The following MIGA1 variants were observed in gnomAD, a reference collection of about 807,000 sequenced individuals.
MIGA1 encodes the protein mitoguardin 1, also known as family with sequence similarity 73, member A.
MIGA1 carries 58 observed loss-of-function variants against 82.0 expected under a neutral mutation model. The observed-to-expected ratio is 0.71, with a 90% CI of 0.57 to 0.88. MIGA1 has a LOEUF of 0.88. MIGA1 is among the 40% of genes least tolerant of loss of function. The pLI, the probability that MIGA1 is intolerant of heterozygous loss-of-function variation, is 0.00. For synonymous variants in MIGA1, 249 were observed against 253.6 expected (o/e 0.98, Z 0.17); for missense variants, 751 against 749.1 (o/e 1.00, Z -0.03).
At chr1:77,867,470 G>A (rs998924220) in intron 14 of MIGA1, among the ~76,000 whole-genome samples, 10 of 152,164 alleles carry the variant, frequency 6.6e-5, no homozygotes, top group Non-Finnish European at 1.3e-4. Context: ...TAGGACTACA[G>A]GTGCACACCA....
chr1:77,869,565 C>CA (rs1297798313), intron 14 of MIGA1, among the ~76,000 whole-genome samples: 14 of 137,192 alleles, frequency 1.0e-4, no homozygotes, highest in Non-Finnish European at 1.9e-4. Flanking sequence ...GCTGGCCGGG[C>CA]GGGGGGCTGA....
At chr1:77,861,472 A>T in intron 12 of MIGA1, 150 bp downstream of exon 12, 3 of 568,198 alleles carry the variant, frequency 5.3e-6, no homozygotes, top group Non-Finnish European at 9.2e-6. Context: ...CATAAACCAC[A>T]CTCCTTGTAC....
intron 7 of MIGA1, among the ~76,000 whole-genome samples, chr1:77,842,970 A>G (rs1288115537): frequency 1.3e-5 from 2 of 152,262 alleles, no homozygotes; most frequent in East Asian, 3.8e-4. Flanking sequence ...ACCACTTGCA[A>G]ATAAATTGCT....
At position 77,789,617 on chromosome 1, in the gene MIGA1, T is replaced by C. The variant is rs541131004; in HGVS notation, c.195+6266T>C. ...TTTTTTAAAAATCGTTTTGATCTTA[T>C]GGATTTAATTGTATTTGATGTTTTA... is the stretch of plus-strand genomic sequence containing the variant. On this transcript the variant is annotated intron_variant, in intron 2 of 15. Transcript: ENST00000370791. Among the ~76,000 whole-genome samples the C allele has an allele frequency of 2.5e-3, 382 of 152,338 alleles. 3 individuals are homozygous for C. The highest frequency in any genetic ancestry group is 3.2e-3 in the Non-Finnish European group (220 of 68,036).
intron 5 of MIGA1, among the ~76,000 whole-genome samples, chr1:77,809,596 A>T (rs1032725259): frequency 6.6e-6 from 1 of 152,150 alleles, no homozygotes. Context: ...AAAAACTAAA[A>T]AAAATAAAAT....
chr1:77,850,820 T>C (rs1345385347), intron 8 of MIGA1, among the ~76,000 whole-genome samples: 1 of 152,088 alleles, frequency 6.6e-6, no homozygotes, highest in Non-Finnish European at 1.5e-5. Context: ...CTGTTTTTAT[T>C]GTTGCTGTTG....
chr1:77,816,080 A>T (rs568364073), intron 7 of MIGA1, among the ~76,000 whole-genome samples: 1 of 152,252 alleles, frequency 6.6e-6, no homozygotes, highest in Admixed American at 6.5e-5. Flanking sequence ...AGTAGCTGGG[A>T]TTACAGGCAT....
intron 5 of MIGA1, chr1:77,810,867 C>G (rs1213178935): frequency 6.2e-7 from 1 of 1,610,848 alleles, no homozygotes; most frequent in East Asian, 2.2e-5. Context: ...AGGATCATTC[C>G]TTGTGCAAAG....
intron 2 of MIGA1, among the ~76,000 whole-genome samples, chr1:77,792,786 CTTTTTTTT>C (rs888755051): frequency 2.5e-5 from 3 of 121,616 alleles, no homozygotes; most frequent in Non-Finnish European, 5.2e-5. Context: ...GGATTGTTTG[CTTTTTTTT>C]TTTTTTTTTT....
chr1:77,791,808 C>A (rs1270574300), intron 2 of MIGA1, among the ~76,000 whole-genome samples: 1 of 151,946 alleles, frequency 6.6e-6, no homozygotes, highest in Non-Finnish European at 1.5e-5. Context: ...AAGTGATCTA[C>A]CTGCCTCAGC....
chr1:77,847,396 A>T, intron 8 of MIGA1: 1 of 1,244,566 alleles, frequency 8.0e-7, no homozygotes, highest in Non-Finnish European at 1.2e-6. Context: ...CTTTTGGGGA[A>T]AGACTGAAAG....
intron 7 of MIGA1, among the ~76,000 whole-genome samples, chr1:77,839,036 A>G (rs1254923546): frequency 1.3e-5 from 2 of 152,272 alleles, no homozygotes; most frequent in East Asian, 3.9e-4. Flanking sequence ...CAGTATTATT[A>G]TGAACACTCT....
At chr1:77,831,111 T>C (rs911715924) in intron 7 of MIGA1, among the ~76,000 whole-genome samples, 9 of 152,360 alleles carry the variant, frequency 5.9e-5, no homozygotes, top group Middle Eastern at 3.4e-3. Flanking sequence ...ACAATTGATG[T>C]GCCCTCAGCC....
At chr1:77,861,450 T>G (rs1169305384) in intron 12 of MIGA1, 128 bp downstream of exon 12, 12 of 645,214 alleles carry the variant, frequency 1.9e-5, no homozygotes, top group Non-Finnish European at 2.9e-5. Flanking sequence ...ACATCTTTTT[T>G]TCTGACGAAG....
At chr1:77,862,601 T>G (rs1685502152) in intron 12 of MIGA1, among the ~76,000 whole-genome samples, 1 of 151,314 alleles carries the variant, frequency 6.6e-6, no homozygotes, top group Non-Finnish European at 1.5e-5. Flanking sequence ...AATACAAAAA[T>G]TAGCCAGGCA....
intron 14 of MIGA1, among the ~76,000 whole-genome samples, chr1:77,867,232 A>C (rs1685704193): frequency 6.6e-6 from 1 of 152,174 alleles, no homozygotes; most frequent in Non-Finnish European, 1.5e-5. Context: ...AATGCCACAT[A>C]CTAGCTATGT....
chr1:77,856,448 A>C lies in MIGA1; in HGVS notation c.997-2490A>C, dbSNP rs573347516. On this transcript the variant is annotated intron_variant, in intron 8 of 15. Coordinates refer to ENST00000370791, the MANE Select transcript of MIGA1 (RefSeq NM_198549.4). ...CTTGTGGAATAGTGTCAAAAGGATTAGTACCAATTCTTCTTTGAATGTCTG... is the reference window on the plus strand; with the variant it reads ...CTTGTGGAATAGTGTCAAAAGGATTCGTACCAATTCTTCTTTGAATGTCTG... Among the ~76,000 whole-genome samples the C allele has an allele frequency of 3.9e-5, 6 of 152,310 alleles. 1 individual carries two copies. In the South Asian group the frequency reaches 1.2e-3, roughly 32 times the overall value.
intron 14 of MIGA1, among the ~76,000 whole-genome samples, chr1:77,870,084 C>CG (rs1685881780): frequency 8.9e-6 from 1 of 111,772 alleles, no homozygotes; most frequent in Admixed American, 7.9e-5. Flanking sequence ...GCTGGCCGGG[C>CG]GGGGGGCTGA....
At chr1:77,866,597 TGG>T (rs1174748791) in intron 14 of MIGA1, among the ~76,000 whole-genome samples, 1 of 152,068 alleles carries the variant, frequency 6.6e-6, no homozygotes, top group African/African-American at 2.4e-5. Context: ...GAGGCATGCA[TGG>T]TATTTCAGCT....
Sources: allele counts gnomAD v4.1 joint callset (sites outside exome capture counted in the v4.1 genomes callset), GRCh38; gene constraint gnomAD v4.1.1; transcripts MANE v1.5; gene names NCBI Gene and HGNC (gene_info 2026-07-23, HGNC 2026-07-21).